Variants in TRHDE observed in about 807,000 individuals in gnomAD.
TRHDE encodes the protein thyrotropin-releasing hormone-degrading ectoenzyme.
In TRHDE, 72 loss-of-function variants were observed where a neutral mutation model predicts 125.7. The ratio of observed to expected loss-of-function variants is 0.57; its 90% CI spans 0.47 to 0.70. TRHDE has a LOEUF of 0.70. TRHDE is among the 30% of genes least tolerant of loss of function. The pLI is 0.00. For missense variants in TRHDE, 1,110 were observed against 1,327.1 expected, an observed-to-expected ratio of 0.84 and a Z score of 2.54; for synonymous variants, 509 against 509.1, an observed-to-expected ratio of 1.00 and a Z score of 0.00.
At chr12:72,488,412 A>G (rs1004664589) in intron 5 of TRHDE, among the ~76,000 whole-genome samples, 12 of 152,122 alleles carry the variant, frequency 7.9e-5, no homozygotes, top group Admixed American at 2.6e-4. Context: ...AAAAGAGGCA[A>G]AGATGGTTAT....
intron 2 of TRHDE, among the ~76,000 whole-genome samples, chr12:72,245,905 TG>T (rs1316143895): frequency 6.6e-6 from 1 of 152,136 alleles, no homozygotes; most frequent in Non-Finnish European, 1.5e-5. Flanking sequence ...TTTATACAAC[TG>T]GGAGTATAGT....
At position 72,669,111 on chromosome 12, in the gene TRHDE, CCAA is replaced by C. The variant is rs1284839204; in HGVS notation, c.*5918_*5920del. On this transcript the variant is annotated 3_prime_UTR_variant, in exon 19 of 19. Transcript: ENST00000261180. The stretch of plus-strand genomic sequence containing the variant: ...AACAGGTAATTAACAGATATTTCGG[CCAA>C]CGAGACACACACACACATGAAAAAA... 5.3e-5 allele frequency: 8 copies of C among 151,210 alleles called. No homozygotes were observed. The highest frequency in any genetic ancestry group is 1.9e-4 in the African/African-American group (8 of 41,056). The allele number at this position is 151,210 out of a possible 1,614,324, so 9.4% of individuals were successfully genotyped here. A position where few individuals can be genotyped will look rare whatever the true frequency, so the allele number is the denominator to read the frequency against.
At chr12:72,612,952 G>A (rs912911190) in intron 12 of TRHDE, among the ~76,000 whole-genome samples, 8 of 152,178 alleles carry the variant, frequency 5.3e-5, no homozygotes. Flanking sequence ...GTTAGCATGT[G>A]TAGAGAAGAA....
intron 2 of TRHDE, among the ~76,000 whole-genome samples, chr12:72,371,029 G>A (rs192317800): frequency 1.2e-4 from 19 of 152,280 alleles, no homozygotes; most frequent in African/African-American, 4.6e-4. Context: ...ACAGGCGTGA[G>A]CCACTGCCCC....
At chr12:72,577,345 A>G (rs527655830) in intron 12 of TRHDE, among the ~76,000 whole-genome samples, 3 of 152,284 alleles carry the variant, frequency 2.0e-5, no homozygotes, top group Admixed American at 6.5e-5. Flanking sequence ...GATAGATATT[A>G]TTACTATTCC....
intron 2 of TRHDE, among the ~76,000 whole-genome samples, chr12:72,374,951 C>T (rs11179178): frequency 0.062 from 9,416 of 152,154 alleles, 614 homozygotes; most frequent in African/African-American, 0.15. Flanking sequence ...CTTGGCTATA[C>T]AGGAAACTCT....
At chr12:72,497,754 A>G (rs1325944067) in intron 5 of TRHDE, among the ~76,000 whole-genome samples, 1 of 152,080 alleles carries the variant, frequency 6.6e-6, no homozygotes, top group Non-Finnish European at 1.5e-5. Context: ...TTTGAAATTG[A>G]TACATAATTT....
chr12:72,532,333 A>T (rs763376968), intron 6 of TRHDE, among the ~76,000 whole-genome samples: 12 of 151,614 alleles, frequency 7.9e-5, no homozygotes, highest in Non-Finnish European at 1.2e-4. Flanking sequence ...TATTGATTTT[A>T]TATATTGCTT....
At chr12:72,295,533 T>C (rs1880262807) in intron 2 of TRHDE, among the ~76,000 whole-genome samples, 1 of 152,192 alleles carries the variant, frequency 6.6e-6, no homozygotes, top group Admixed American at 6.5e-5. Context: ...AATTTTATTG[T>C]GTGGACTGAC....
chr12:72,623,284 A>C (rs1873126476), intron 15 of TRHDE, among the ~76,000 whole-genome samples: 1 of 151,918 alleles, frequency 6.6e-6, no homozygotes, highest in South Asian at 2.1e-4. Context: ...TTTTTGTTTT[A>C]TCTTGCTATC....
rs550750779 is a variant in TRHDE, at chr12:72,575,900, T to C, written c.2321+358T>C. Among the ~76,000 whole-genome samples the C allele has an allele frequency of 3.5e-4, 54 of 152,256 alleles. No individual in the cohort carries two copies. In the South Asian group the frequency reaches 4.1e-3, roughly 12 times the overall value. On this transcript the variant is annotated intron_variant, in intron 12 of 18. Transcript: ENST00000261180. ...GCATTGGCAATTTTTCCCTGATGTA[T>C]ACTAGTATATCTTTTAAAAATGTTT...
At chr12:72,475,627 A>G (rs1876855453) in intron 5 of TRHDE, among the ~76,000 whole-genome samples, 1 of 152,188 alleles carries the variant, frequency 6.6e-6, no homozygotes, top group Non-Finnish European at 1.5e-5. Flanking sequence ...TTTTAGAGGT[A>G]TTGAAAATGA....
intron 2 of TRHDE, among the ~76,000 whole-genome samples, chr12:72,372,270 A>G (rs1871635603): frequency 6.6e-6 from 1 of 151,564 alleles, no homozygotes; most frequent in African/African-American, 2.4e-5. Context: ...GTTTGAGTTC[A>G]TTGTAGATTC....
chr12:72,272,503 T>G lies in TRHDE; in HGVS notation c.-141T>G. On this transcript the variant is annotated 5_prime_UTR_variant, in exon 1 of 19. Coordinates refer to ENST00000261180, the MANE Select transcript of TRHDE (RefSeq NM_013381.3). This position sits in a 1 kb window ranked among gnomAD's most constrained non-coding sequence, Gnocchi z 6.7. ...TGCCGTCGCTTGTGTCCAGAACCCGTCTTAAAAGAACCCGGGCCAGCATCC... is the reference window on the plus strand; with the variant it reads ...TGCCGTCGCTTGTGTCCAGAACCCGGCTTAAAAGAACCCGGGCCAGCATCC... The G allele has an allele frequency of 1.8e-6, 1 of 544,044 alleles. No homozygotes were observed. Among genetic ancestry groups the G allele is most frequent in the Admixed American group, 3.3e-5 (1 of 30,322 alleles). The allele number at this position is 544,044 out of a possible 1,614,324, so 33.7% of individuals were successfully genotyped here.
chr12:72,426,789 T>C (rs1874205618), intron 3 of TRHDE, among the ~76,000 whole-genome samples: 1 of 152,108 alleles, frequency 6.6e-6, no homozygotes, highest in Non-Finnish European at 1.5e-5. Context: ...AGGGACCAGT[T>C]ATTAAGAGGT....
At chr12:72,126,805 C>T (rs1875723416) in intron 2 of TRHDE, among the ~76,000 whole-genome samples, 3 of 152,194 alleles carry the variant, frequency 2.0e-5, no homozygotes, top group Admixed American at 1.3e-4. Context: ...AATTTATGAG[C>T]AAGTCCTGAA....
chr12:72,522,860 A>G (rs1269277628), intron 6 of TRHDE, among the ~76,000 whole-genome samples: 1 of 152,086 alleles, frequency 6.6e-6, no homozygotes, highest in African/African-American at 2.4e-5. Flanking sequence ...AGTAATGAAC[A>G]TACCTGCCTC....
At chr12:72,481,172 A>G (rs114360586) in intron 5 of TRHDE, among the ~76,000 whole-genome samples, 127 of 152,156 alleles carry the variant, frequency 8.3e-4, no homozygotes, top group African/African-American at 3.0e-3. Context: ...ATTAGAACAC[A>G]ACTCATTTCT....
intron 7 of TRHDE, among the ~76,000 whole-genome samples, chr12:72,555,614 T>A (rs899369065): frequency 1.3e-5 from 2 of 152,208 alleles, no homozygotes; most frequent in African/African-American, 4.8e-5. Flanking sequence ...AATTTCTAGG[T>A]ATGAATCCAC....
Sources: gnomAD v4.1 joint callset for allele counts (sites outside exome capture counted in the v4.1 genomes callset) on GRCh38, gnomAD v4.1.1 for gene constraint, Gnocchi (gnomAD v3.1) non-coding constraint, MANE v1.5 for transcripts, NCBI Gene and HGNC (gene_info 2026-07-23, HGNC 2026-07-21) for gene names.